The following CHD6 variants were observed in gnomAD, a reference collection of about 807,000 sequenced individuals.
The protein encoded by CHD6 is chromodomain helicase DNA binding protein 6.
A neutral mutation model predicts 276.9 loss-of-function variants in CHD6; 50 were observed. The ratio of observed to expected loss-of-function variants is 0.18; its 90% CI spans 0.14 to 0.23. CHD6 has a LOEUF of 0.23. Among genes scored for constraint, CHD6 ranks in the 10% least tolerant of loss-of-function variants. The pLI, the probability that CHD6 is intolerant of heterozygous loss-of-function variation, is 1.00. For synonymous variants in CHD6, 1,173 were observed against 1,229.3 expected (o/e 0.95, Z 0.96); for missense variants, 2,564 against 3,365.8 (o/e 0.76, Z 5.89).
intron 1 of CHD6, among the ~76,000 whole-genome samples, chr20:41,587,245 T>C (rs2045605753): frequency 6.6e-6 from 1 of 152,230 alleles, no homozygotes; most frequent in East Asian, 1.9e-4. Context: ...GAGAAATACT[T>C]AGAGACAACT....
At chr20:41,578,249 AAAT>A (rs1182866303) in intron 1 of CHD6, among the ~76,000 whole-genome samples, 1 of 152,226 alleles carries the variant, frequency 6.6e-6, no homozygotes, top group African/African-American at 2.4e-5. Context: ...AACTGTTTAA[AAAT>A]AACACATTCA....
At chr20:41,564,827 G>GT (rs1258242819) in intron 1 of CHD6, among the ~76,000 whole-genome samples, 1 of 152,230 alleles carries the variant, frequency 6.6e-6, no homozygotes, top group Non-Finnish European at 1.5e-5. Context: ...CTGGAGATAA[G>GT]TGATGGAGAG....
intron 25 of CHD6, among the ~76,000 whole-genome samples, chr20:41,444,913 C>T (rs2145623457): frequency 6.6e-6 from 1 of 152,358 alleles, no homozygotes; most frequent in South Asian, 2.1e-4. Flanking sequence ...GTATACCTAA[C>T]TCTTTTCACT....
At chr20:41,498,097 T>C (rs1179644473) in intron 7 of CHD6, 71 bp downstream of exon 7, 27 of 1,053,220 alleles carry the variant, frequency 2.6e-5, no homozygotes, top group Non-Finnish European at 4.0e-5. Flanking sequence ...TAGAAGATAA[T>C]AAAGTCACAA....
intron 1 of CHD6, among the ~76,000 whole-genome samples, chr20:41,594,846 A>G (rs1198064511): frequency 6.6e-6 from 1 of 152,260 alleles, no homozygotes; most frequent in Non-Finnish European, 1.5e-5. Flanking sequence ...CCAATGGGGG[A>G]AAGGACACAG....
Position 41,493,758 on chromosome 20 carries a change from C to T in CHD6, c.1180-86G>A, listed in dbSNP as rs186696111. ...TGCCAACCTCTGAAAAACCACCCTA[C>T]GTGACTAGACAGGAATACCACTAAG... is the stretch of plus-strand genomic sequence containing the variant. On this transcript the variant is annotated intron_variant, in intron 9 of 36. Coordinates refer to ENST00000373233, the MANE Select transcript of CHD6 (RefSeq NM_032221.5). The T allele has an allele frequency of 4.5e-5, 70 of 1,558,252 alleles. 1 individual carries two copies. The East Asian group carries it at 7.0e-4, about 16-fold the overall frequency.
At position 41,404,826 on chromosome 20, in the gene CHD6, T is replaced by C; in HGVS notation, c.7915A>G (p.Met2639Val). The C allele has an allele frequency of 6.2e-7, 1 of 1,614,030 alleles. No individual in the cohort carries two copies. Among genetic ancestry groups the C allele is most frequent in the Non-Finnish European group, 8.5e-7 (1 of 1,179,988 alleles). The stretch of plus-strand genomic sequence containing the variant: ...ATTTCCGAGTGTCTGGCCTGCTGCA[T>C]GGCTGGCAGAGCCATGCCCATACCA... ...SPGMGMALPA[M>V]QQARHSEIVG... is the part of the protein sequence containing the mutation. Residue 2639 changes from methionine to valine, a missense_variant, in exon 37 of 37, where the codon ATG becomes GTG. Physicochemically the swap from Met to Val is conservative, Grantham distance 21. This residue lies in a region of CHD6 where 238 missense variants were observed against 266.0 expected (regional missense o/e 0.89). Transcript: ENST00000373233.
At chr20:41,556,587 A>C (rs1157294627) in intron 1 of CHD6, among the ~76,000 whole-genome samples, 1 of 152,154 alleles carries the variant, frequency 6.6e-6, no homozygotes, top group African/African-American at 2.4e-5. Flanking sequence ...GGCAGAGAGA[A>C]TGTGCATGTG....
At chr20:41,462,818 T>C (rs1012514128) in intron 17 of CHD6, among the ~76,000 whole-genome samples, 2 of 152,200 alleles carry the variant, frequency 1.3e-5, no homozygotes, top group African/African-American at 4.8e-5. Flanking sequence ...ATAGTCTCTC[T>C]TTCTGTGTGT....
At position 41,421,170 on chromosome 20, in the gene CHD6, C is replaced by G; in HGVS notation, c.5465G>C (p.Gly1822Ala). The change falls in exon 31 of 37, where the codon GGG (glycine) becomes GCG (alanine). Residue 1822 changes from glycine to alanine, a missense_variant. By Grantham distance (60) the Gly-to-Ala change is moderately conservative. Around this residue, in one of 7 missense-constraint regions of CHD6, gnomAD observed 1,024 missense variants for 1,047.9 expected, o/e 0.98. Coordinates refer to ENST00000373233, the MANE Select transcript of CHD6 (RefSeq NM_032221.5). Reference sequence around the variant, plus strand: ...ACTAAGACTGCACATATCTACAAACCCACTTTCATTTCCTGGATTCAAGGA... The same window carrying G: ...ACTAAGACTGCACATATCTACAAACGCACTTTCATTTCCTGGATTCAAGGA... ...SPSLNPGNES[G>A]FVDMCSLSVC... 6.2e-7 allele frequency: 1 copy of G among 1,613,362 alleles called. No homozygotes were observed. The highest frequency in any genetic ancestry group is 1.1e-5 in the South Asian group (1 of 90,874).
chr20:41,501,986 T>C (rs181909575), intron 5 of CHD6, among the ~76,000 whole-genome samples: 1 of 152,150 alleles, frequency 6.6e-6, no homozygotes, highest in Non-Finnish European at 1.5e-5. Context: ...ATTTTATAAA[T>C]TGTTCTTTCT....
intron 27 of CHD6, among the ~76,000 whole-genome samples, chr20:41,428,294 G>A (rs2145515916): frequency 6.6e-6 from 1 of 152,346 alleles, no homozygotes; most frequent in African/African-American, 2.4e-5. Flanking sequence ...TGAAAAAGAT[G>A]TCAGACTTTT....
rs142729689 is a variant in CHD6 at position 41,445,460 on chromosome 20, T to C, written c.3877+205A>G. On this transcript the variant is annotated intron_variant, in intron 25 of 36. Transcript: ENST00000373233. ...TTGTGGCCTGAATGTTCCTCAATAA[T>C]ATAAAATTCGCAGTATTATTGTGAG... Among the ~76,000 whole-genome samples the C allele has an allele frequency of 2.7e-3, 418 of 152,316 alleles. 2 individuals are homozygous for C. Among genetic ancestry groups the C allele is most frequent in the Middle Eastern group, 0.024 (7 of 294 alleles).
rs58169591 is a variant in CHD6, at chr20:41,559,147, G to GACACACAC, written c.-23-7795_-23-7788dup. On this transcript the variant is annotated intron_variant, in intron 1 of 36. Transcript: ENST00000373233. ...GGTTTTAAGCTTATTGCCTGTTCCT[G>GACACACAC]ACACACACACACACACACACACACA... 6.2e-4 allele frequency among the ~76,000 whole-genome samples: 92 copies of GACACACAC among 148,272 alleles called. 1 individual carries two copies. Among genetic ancestry groups the GACACACAC allele is most frequent in the African/African-American group, 1.8e-3 (75 of 40,772 alleles).
At chr20:41,577,184 G>A (rs1373913410) in intron 1 of CHD6, among the ~76,000 whole-genome samples, 2 of 152,282 alleles carry the variant, frequency 1.3e-5, no homozygotes, top group East Asian at 3.9e-4. Flanking sequence ...AGTATCTCCT[G>A]GCTTGGTTCT....
chr20:41,440,317 AG>A (rs2047861034), intron 25 of CHD6, among the ~76,000 whole-genome samples, 188 bp from the exon 26 acceptor site: 1 of 152,214 alleles, frequency 6.6e-6, no homozygotes, highest in Non-Finnish European at 1.5e-5. Flanking sequence ...GACACCTTTG[AG>A]TAGTGTTTGA....
At chr20:41,617,053 A>G (rs2045940253) in intron 1 of CHD6, among the ~76,000 whole-genome samples, 1 of 152,222 alleles carries the variant, frequency 6.6e-6, no homozygotes, top group African/African-American at 2.4e-5. Flanking sequence ...CCATCTGGGA[A>G]ACAATAATCA....
At chr20:41,495,750 A>T (rs937652334) in intron 8 of CHD6, among the ~76,000 whole-genome samples, 5 of 152,208 alleles carry the variant, frequency 3.3e-5, no homozygotes, top group Non-Finnish European at 7.3e-5. Context: ...CTTAAATATA[A>T]TTTTTTGACA....
chr20:41,538,206 C>T (rs117141420), intron 2 of CHD6, among the ~76,000 whole-genome samples: 118 of 152,184 alleles, frequency 7.8e-4, no homozygotes, highest in Non-Finnish European at 1.2e-3. Flanking sequence ...CAAAAATTAG[C>T]CAGGTGGGGT....
Sources: allele counts gnomAD v4.1 joint callset (sites outside exome capture counted in the v4.1 genomes callset), GRCh38; gene constraint gnomAD v4.1.1; regional missense constraint gnomAD v4.1.1; transcripts MANE v1.5; gene names NCBI Gene and HGNC (gene_info 2026-07-23, HGNC 2026-07-21).